Variants in EPS15 observed in about 807,000 individuals in gnomAD.
EPS15 encodes epidermal growth factor receptor pathway substrate 15, also known as epidermal growth factor receptor substrate 15.
Under a neutral mutation model 113.8 loss-of-function variants are expected in EPS15, and 72 were observed. The ratio of observed to expected loss-of-function variants is 0.63; its 90% CI spans 0.52 to 0.77. The LOEUF (loss-of-function observed/expected upper bound fraction) is 0.77, where lower values mean the gene tolerates loss of function less well. Ranked by LOEUF, EPS15 falls within the 30% of genes least tolerant of loss-of-function variation. The probability of loss-of-function intolerance (pLI) is 0.00; values close to 1 mark genes in which losing one functional copy is unlikely to be tolerated. For missense variants in EPS15, 1,048 were observed against 1,045.8 expected, an observed-to-expected ratio of 1.00 and a Z score of -0.03; for synonymous variants, 344 against 363.4, an observed-to-expected ratio of 0.95 and a Z score of 0.61.
rs1570311231 is a variant in EPS15, at chr1:51,440,442, A to G, written c.955-10T>C. 10 of 1,451,012 alleles carry G rather than the reference A, an allele frequency of 6.9e-6. No individual in the cohort carries two copies. The highest frequency in any genetic ancestry group is 1.8e-5 in the Admixed American group (1 of 55,298). The allele number at this position is 1,451,012 out of a possible 1,614,324, so 89.9% of individuals were successfully genotyped here. A position where few individuals can be genotyped will look rare whatever the true frequency, so the allele number is the denominator to read the frequency against. ...TTGATCCTATGATGTTCTAAAAACA[A>G]AAAGTTCACAATTATACATTACTAT... is the stretch of plus-strand genomic sequence containing the variant. On this transcript the variant is annotated splice_polypyrimidine_tract_variant and intron_variant, in intron 11 of 24. Transcript: ENST00000371733.
chr1:51,362,719 C>T (rs932505026), intron 23 of EPS15, among the ~76,000 whole-genome samples: 2 of 151,906 alleles, frequency 1.3e-5, no homozygotes, highest in Non-Finnish European at 2.9e-5. Flanking sequence ...CCTATCTGCT[C>T]AAGACCATGG....
chr1:51,392,108 AG>A (rs1286522550), intron 21 of EPS15, among the ~76,000 whole-genome samples: 1 of 152,220 alleles, frequency 6.6e-6, no homozygotes, highest in Non-Finnish European at 1.5e-5. Flanking sequence ...TAAGAGGTTG[AG>A]AAAAAGAGGA....
At chr1:51,481,382 T>C (rs1644017915) in intron 1 of EPS15, 68 bp from the exon 2 acceptor site, 1 of 758,892 alleles carries the variant, frequency 1.3e-6, no homozygotes, top group South Asian at 1.5e-5. Flanking sequence ...TTGGCATTCA[T>C]TCAACAGATA....
At chr1:51,443,405 A>G (rs1652751253) in intron 11 of EPS15, among the ~76,000 whole-genome samples, 1 of 152,150 alleles carries the variant, frequency 6.6e-6, no homozygotes. Flanking sequence ...ATGCATATTC[A>G]GTAACCTTTA....
At chr1:51,465,182 A>G in intron 6 of EPS15, 79 bp downstream of exon 6, 1 of 848,248 alleles carries the variant, frequency 1.2e-6, no homozygotes, top group Non-Finnish European at 1.9e-6. Context: ...TAATGAAGAT[A>G]GCAATATATT....
chr1:51,437,326 T>C (rs765902650), intron 12 of EPS15, among the ~76,000 whole-genome samples: 4 of 152,104 alleles, frequency 2.6e-5, no homozygotes, highest in Non-Finnish European at 5.9e-5. Context: ...ATATTCCTTT[T>C]TTCATTATGC....
rs1256816450 is a variant in EPS15 at position 51,365,999 on chromosome 1, T to C, written c.2150A>G (p.Asn717Ser). 3 of 1,613,208 alleles carry C rather than the reference T, an allele frequency of 1.9e-6. No individual in the cohort carries two copies. Among genetic ancestry groups the C allele is most frequent in the South Asian group, 2.2e-5 (2 of 90,960 alleles). Reference protein sequence around the residue: ...ATDPFASVFGNESFGGGFADF... With the variant: ...ATDPFASVFGSESFGGGFADF... The stretch of plus-strand genomic sequence containing the variant: ...AGCAAATCCACCTCCAAATGATTCA[T>C]TCCCAAAAACAGAAGCAAAGGGGTC... Residue 717 changes from asparagine (N) to serine (S), a missense_variant, in exon 22 of 25, where the codon AAT becomes AGT. Asn to Ser is a conservative substitution (Grantham distance 46). Transcript: ENST00000371733.
chr1:51,388,952 T>C (rs1180134982), intron 21 of EPS15, among the ~76,000 whole-genome samples: 1 of 152,148 alleles, frequency 6.6e-6, no homozygotes, highest in East Asian at 1.9e-4. Context: ...GAGGGAATCC[T>C]CCCTAACTCA....
chr1:51,493,900 C>T (rs78647511), intron 1 of EPS15, among the ~76,000 whole-genome samples: 8,860 of 152,156 alleles, frequency 0.058, 821 homozygotes, highest in African/African-American at 0.2. Flanking sequence ...CAGGCATGAG[C>T]CACGGTGCCC....
chr1:51,401,125 T>C (rs1046150324), intron 18 of EPS15, 172 bp from the exon 19 acceptor site: 1 of 471,538 alleles, frequency 2.1e-6, no homozygotes, highest in Non-Finnish European at 3.8e-6. Flanking sequence ...CAGCCAACTA[T>C]ACTTACCTTG....
intron 4 of EPS15, 139 bp from the exon 5 acceptor site, chr1:51,468,707 C>T: frequency 1.6e-6 from 1 of 611,920 alleles, no homozygotes. Flanking sequence ...AGCATATTTG[C>T]TTCAAAAATA....
rs1644435620 is a variant in EPS15, at chr1:51,502,802, C to G, written c.33+16397G>C. Among the ~76,000 whole-genome samples, 3 of 151,778 alleles carry G rather than the reference C, an allele frequency of 2.0e-5. No individual in the cohort carries two copies. The South Asian group carries it at 6.2e-4, about 32-fold the overall frequency. On this transcript the variant is annotated intron_variant, in intron 1 of 24. Coordinates refer to ENST00000371733, the MANE Select transcript of EPS15 (RefSeq NM_001981.3). ...GGTGGATCACCTGAGGTCAGGAGTC[C>G]GAAAGCAACCTGGCCAACATGGTGA...
At chr1:51,408,385 T>C in intron 14 of EPS15, 53 bp from the exon 15 acceptor site, 2 of 1,355,758 alleles carry the variant, frequency 1.5e-6, no homozygotes, top group Admixed American at 1.7e-5. Flanking sequence ...AGAGATGTCA[T>C]TAAAATGTTC....
chr1:51,432,169 T>A (rs1651785111), intron 12 of EPS15, among the ~76,000 whole-genome samples: 1 of 152,146 alleles, frequency 6.6e-6, no homozygotes. Context: ...CTATAATACA[T>A]CTCAATAATT....
chr1:51,358,699 G>GTTTTTTTGT (rs1646299687), intron 24 of EPS15, among the ~76,000 whole-genome samples: 1 of 129,320 alleles, frequency 7.7e-6, no homozygotes, highest in African/African-American at 2.9e-5. Context: ...AACCAGATTT[G>GTTTTTTTGT]TTTTTTTTTG....
chr1:51,431,451 C>CT (rs764383254), intron 12 of EPS15, among the ~76,000 whole-genome samples: 189 of 144,590 alleles, frequency 1.3e-3, no homozygotes, highest in East Asian at 0.011. Context: ...AATTTCTTTT[C>CT]TTTTTTTTTT....
chr1:51,433,271 T>C (rs950083542), intron 12 of EPS15, among the ~76,000 whole-genome samples: 4 of 139,802 alleles, frequency 2.9e-5, no homozygotes, highest in African/African-American at 1.1e-4. Context: ...TCCTGTACTC[T>C]AAGTGCTGAA....
chr1:51,374,623 C>CA (rs1003267584), intron 21 of EPS15, among the ~76,000 whole-genome samples: 24 of 152,092 alleles, frequency 1.6e-4, no homozygotes, highest in African/African-American at 5.8e-4. Context: ...AACAAACAAA[C>CA]AAAAAAACCC....
intron 21 of EPS15, among the ~76,000 whole-genome samples, chr1:51,387,476 C>T (rs556613059): frequency 3.3e-5 from 5 of 151,964 alleles, no homozygotes; most frequent in Admixed American, 6.6e-5. Flanking sequence ...ACAATATTAA[C>T]TTTAAATGTA....
Sources: allele counts gnomAD v4.1 joint callset (sites outside exome capture counted in the v4.1 genomes callset), GRCh38; gene constraint gnomAD v4.1.1; transcripts MANE v1.5; gene names NCBI Gene and HGNC (gene_info 2026-07-23, HGNC 2026-07-21).